TRDMT1: variants seen among roughly 807,000 people sequenced by gnomAD.
The protein encoded by TRDMT1 is tRNA aspartic acid methyltransferase 1, also known as tRNA (cytosine(38)-C(5))-methyltransferase.
A neutral mutation model predicts 51.2 loss-of-function variants in TRDMT1; 49 were observed. The ratio of observed to expected loss-of-function variants is 0.96; its 90% CI spans 0.76 to 1.21. TRDMT1 has a LOEUF of 1.21. Among genes scored for constraint, TRDMT1 ranks in the 50% most tolerant of loss-of-function variants. The probability of loss-of-function intolerance (pLI) is 0.00; values close to 1 mark genes in which losing one functional copy is unlikely to be tolerated. For synonymous variants in TRDMT1, 187 were observed against 164.6 expected (o/e 1.14, Z -1.04); for missense variants, 534 against 462.3 (o/e 1.16, Z -1.42).
intron 9 of TRDMT1, 24 bp from the exon 10 acceptor site, chr10:17,153,660 C>G: frequency 6.5e-7 from 1 of 1,543,612 alleles, no homozygotes; most frequent in Non-Finnish European, 8.7e-7. Flanking sequence ...CCCAAGATAA[C>G]TAAAAAAGTA....
chr10:17,175,009 T>C (rs1024002543), intron 1 of TRDMT1, among the ~76,000 whole-genome samples: 12 of 152,376 alleles, frequency 7.9e-5, no homozygotes, highest in African/African-American at 2.6e-4. Flanking sequence ...AAGTGAGATA[T>C]ATTCTAAAAG....
chr10:17,162,220 T>C lies in TRDMT1; in HGVS notation c.269A>G (p.Asp90Gly). Residue 90 changes from aspartate (D) to glycine (G), a missense_variant, in exon 4 of 11, where the codon GAT becomes GGT. Coordinates refer to ENST00000377799, the MANE Select transcript of TRDMT1 (RefSeq NM_004412.7). ...GCTATTCGTCCTTGAATCAGTCATA[T>C]CACCCTGCCGGCCAATCCTAAAGGG... ...QPFTRIGRQG[D>G]MTDSRTNSFL... 1.9e-6 allele frequency: 3 copies of C among 1,594,518 alleles called. No homozygotes were observed. The highest frequency in any genetic ancestry group is 2.6e-6 in the Non-Finnish European group (3 of 1,174,208).
intron 1 of TRDMT1, among the ~76,000 whole-genome samples, chr10:17,178,666 ACT>A (rs993016871): frequency 1.4e-5 from 2 of 140,462 alleles, no homozygotes; most frequent in East Asian, 2.0e-4. Context: ...ACAGAATGAG[ACT>A]CTGTCTCGGA....
chr10:17,190,742 G>C (rs1237872084), intron 1 of TRDMT1, among the ~76,000 whole-genome samples: 2 of 152,152 alleles, frequency 1.3e-5, no homozygotes, highest in African/African-American at 4.8e-5. Context: ...ATATTTCACA[G>C]CAAGCATGCC....
intron 9 of TRDMT1, 56 bp from the exon 10 acceptor site, chr10:17,153,692 C>T: frequency 6.7e-7 from 1 of 1,501,556 alleles, no homozygotes; most frequent in South Asian, 1.4e-5. Flanking sequence ...GATTTAAGAT[C>T]TCCTGCTGTG....
At chr10:17,160,274 TTATA>T in intron 6 of TRDMT1, 27 bp downstream of exon 6, 1 of 1,363,052 alleles carries the variant, frequency 7.3e-7, no homozygotes, top group Non-Finnish European at 9.7e-7. Flanking sequence ...AAATTATAAT[TTATA>T]TAAGCATTTA....
At chr10:17,198,301 C>A (rs1007223968) in intron 1 of TRDMT1, among the ~76,000 whole-genome samples, 2 of 152,170 alleles carry the variant, frequency 1.3e-5, no homozygotes, top group African/African-American at 4.8e-5. Context: ...ACTGCTAGGT[C>A]TATACCCCAA....
chr10:17,164,215 C>A (rs963243525), intron 3 of TRDMT1, among the ~76,000 whole-genome samples: 12 of 152,074 alleles, frequency 7.9e-5, no homozygotes, highest in African/African-American at 2.9e-4. Flanking sequence ...TGGTTCAACA[C>A]AAGCAAATCA....
Position 17,146,259 on chromosome 10 carries a change from GGAA to G in TRDMT1, c.*2778_*2780del, listed in dbSNP as rs1404279301. The stretch of plus-strand genomic sequence containing the variant: ...CTCTTTAGAAGGCTCTCCTTTTTGA[GGAA>G]GAATAAGTTGGCTGAAGGTTGGAGG... On this transcript the variant is annotated 3_prime_UTR_variant, in exon 11 of 11. Transcript: ENST00000377799. The G allele has an allele frequency of 1.0e-6, 1 of 985,292 alleles. No homozygotes were observed. The highest frequency in any genetic ancestry group is 1.2e-6 in the Non-Finnish European group (1 of 829,936). 61.0% of individuals were successfully genotyped at this position (985,292 alleles called of 1,614,324 possible).
chr10:17,183,273 G>A, intron 1 of TRDMT1, among the ~76,000 whole-genome samples: 1 of 152,200 alleles, frequency 6.6e-6, no homozygotes, highest in East Asian at 1.9e-4. Context: ...GTATGTGTAT[G>A]TGTGCACCTT....
chr10:17,197,557 A>G (rs1187426851), intron 1 of TRDMT1, among the ~76,000 whole-genome samples: 2 of 152,210 alleles, frequency 1.3e-5, no homozygotes, highest in Non-Finnish European at 2.9e-5. Context: ...TATACTTTTT[A>G]TAACTGAAAA....
chr10:17,174,513 C>T, intron 2 of TRDMT1, 38 bp downstream of exon 2: 3 of 1,414,608 alleles, frequency 2.1e-6, no homozygotes, highest in South Asian at 2.3e-5. Flanking sequence ...TCACATTTCC[C>T]TTGCTACATA....
At chr10:17,182,509 G>C (rs764565681) in intron 1 of TRDMT1, among the ~76,000 whole-genome samples, 1 of 152,178 alleles carries the variant, frequency 6.6e-6, no homozygotes, top group African/African-American at 2.4e-5. Context: ...AGAGCAATAT[G>C]AATGCAAAAG....
chr10:17,145,207 A>T lies in TRDMT1; in HGVS notation c.*3833T>A. ...GATTGCAGTGAGCCGAGATCACGCC[A>T]CTGCACTCCAGCCTAGGCAACAGAG... On this transcript the variant is annotated 3_prime_UTR_variant, in exon 11 of 11. Transcript: ENST00000377799. 1.2e-6 allele frequency: 1 copy of T among 842,894 alleles called. No individual in the cohort carries two copies. The highest frequency in any genetic ancestry group is 1.4e-6 in the Non-Finnish European group (1 of 699,856). The allele number at this position is 842,894 out of a possible 1,614,324, so 52.2% of individuals were successfully genotyped here.
At chr10:17,201,479 C>CACA in intron 1 of TRDMT1, 92 bp downstream of exon 1, 18 of 1,372,656 alleles carry the variant, frequency 1.3e-5, no homozygotes, top group Non-Finnish European at 1.6e-5. Context: ...GTGTCCGCCC[C>CACA]TTGCGTCTCG....
chr10:17,160,033 C>A (rs891176442), intron 6 of TRDMT1, among the ~76,000 whole-genome samples: 2 of 151,938 alleles, frequency 1.3e-5, no homozygotes, highest in African/African-American at 4.8e-5. Flanking sequence ...CCAAACTTGA[C>A]GTATTTTCAA....
chr10:17,188,056 T>C (rs1315335809), intron 1 of TRDMT1, among the ~76,000 whole-genome samples: 1 of 113,970 alleles, frequency 8.8e-6, no homozygotes, highest in East Asian at 2.1e-4. Flanking sequence ...TTAATTTTAC[T>C]AATGTTTTAC....
intron 1 of TRDMT1, among the ~76,000 whole-genome samples, chr10:17,198,499 C>A (rs534703562): frequency 3.3e-5 from 5 of 152,168 alleles, no homozygotes; most frequent in African/African-American, 1.2e-4. Context: ...ATACAGGCTA[C>A]AAAATAAATG....
chr10:17,146,125 C>A lies in TRDMT1; in HGVS notation c.*2915G>T. 1 of 985,458 alleles carries A rather than the reference C, an allele frequency of 1.0e-6. No homozygotes were observed. Among genetic ancestry groups the A allele is most frequent in the Non-Finnish European group, 1.2e-6 (1 of 829,940 alleles). The allele number at this position is 985,458 out of a possible 1,614,324, so 61.0% of individuals were successfully genotyped here. ...ACTTAAAAGCCTCTCTACTAAATAA[C>A]TTTACCTCTTTGAAAAGTTGGATAA... is the stretch of plus-strand genomic sequence containing the variant. On this transcript the variant is annotated 3_prime_UTR_variant, in exon 11 of 11. Coordinates refer to ENST00000377799, the MANE Select transcript of TRDMT1 (RefSeq NM_004412.7).
Sources: allele counts gnomAD v4.1 joint callset (sites outside exome capture counted in the v4.1 genomes callset), GRCh38; gene constraint gnomAD v4.1.1; transcripts MANE v1.5; gene names NCBI Gene and HGNC (gene_info 2026-07-23, HGNC 2026-07-21).